The following PDE1C variants were observed in gnomAD, a reference collection of about 807,000 sequenced individuals.
The protein encoded by PDE1C is phosphodiesterase 1C.
Under a neutral mutation model 93.1 loss-of-function variants are expected in PDE1C, and 62 were observed. The observed-to-expected ratio is 0.67, with a 90% CI of 0.54 to 0.82. The LOEUF is 0.82. Among genes scored for constraint, PDE1C ranks in the 40% least tolerant of loss-of-function variants. PDE1C has a pLI of 0.00. For missense variants in PDE1C, 742 were observed against 884.6 expected (o/e 0.84, Z 2.04); for synonymous variants, 325 against 310.1 (o/e 1.05, Z -0.50).
chr7:32,118,434 C>T (rs1799109480), intron 3 of PDE1C, among the ~76,000 whole-genome samples: 2 of 152,188 alleles, frequency 1.3e-5, no homozygotes, highest in South Asian at 4.1e-4. Context: ...GCTAGTGAGG[C>T]TTAGAGCCGA....
intron 2 of PDE1C, among the ~76,000 whole-genome samples, chr7:31,938,052 A>G (rs1437765175): frequency 2.0e-5 from 3 of 152,240 alleles, no homozygotes; most frequent in East Asian, 3.9e-4. Context: ...AGATGAAGAG[A>G]AAGCCCTTGT....
the PDE1C span, among the ~76,000 whole-genome samples, chr7:31,637,107 G>A: frequency 1.3e-5 from 2 of 151,918 alleles, no homozygotes; most frequent in African/African-American, 2.4e-5. Flanking sequence ...TGGTGTATAT[G>A]TGCCACATTT....
chr7:32,089,134 G>A (rs1797305958), intron 3 of PDE1C, among the ~76,000 whole-genome samples: 1 of 152,170 alleles, frequency 6.6e-6, no homozygotes, highest in Admixed American at 6.5e-5. Flanking sequence ...ATATCGCAAA[G>A]TCTCTTCTTT....
the PDE1C span, chr7:31,642,712 G>T: frequency 6.2e-7 from 1 of 1,613,932 alleles, no homozygotes; most frequent in African/African-American, 1.3e-5. Context: ...CCAGAGTCCT[G>T]CTGAGAATGG....
intron 1 of PDE1C, among the ~76,000 whole-genome samples, chr7:32,276,977 G>T (rs770941724): frequency 2.6e-5 from 4 of 152,162 alleles, no homozygotes; most frequent in Non-Finnish European, 5.9e-5. Context: ...TGCAGCACAG[G>T]CACAGTGGCT....
At chr7:32,137,176 A>C (rs1015013989) in intron 3 of PDE1C, among the ~76,000 whole-genome samples, 3 of 152,206 alleles carry the variant, frequency 2.0e-5, no homozygotes, top group African/African-American at 7.2e-5. Flanking sequence ...CCCAACATGT[A>C]CTGTGAAGGG....
chr7:32,425,071 AAT>A (rs1163863876), intron 1 of PDE1C, among the ~76,000 whole-genome samples: 1 of 152,064 alleles, frequency 6.6e-6, no homozygotes, highest in East Asian at 1.9e-4. Flanking sequence ...AGCATCCAGC[AAT>A]ACTGTTTATG....
chr7:31,709,120 G>C, the PDE1C span, among the ~76,000 whole-genome samples: 1 of 152,196 alleles, frequency 6.6e-6, no homozygotes, highest in African/African-American at 2.4e-5. Flanking sequence ...CAGATTTGCT[G>C]TATGAACACA....
At chr7:32,046,896 TAA>T (rs1368595213) in intron 2 of PDE1C, among the ~76,000 whole-genome samples, 1 of 152,166 alleles carries the variant, frequency 6.6e-6, no homozygotes, top group African/African-American at 2.4e-5. Context: ...CTCCAACTCC[TAA>T]ACATTCTGAC....
At chr7:31,973,499 CTT>C (rs1297159251) in intron 2 of PDE1C, among the ~76,000 whole-genome samples, 5 of 152,044 alleles carry the variant, frequency 3.3e-5, no homozygotes, top group Admixed American at 6.6e-5. Context: ...ACTGAGAAAA[CTT>C]TGCATAACAA....
chr7:32,083,830 C>A (rs1254085494), intron 3 of PDE1C, among the ~76,000 whole-genome samples: 1 of 151,968 alleles, frequency 6.6e-6, no homozygotes, highest in South Asian at 2.1e-4. Flanking sequence ...CAGGCCTGCC[C>A]TAAAAGAGCT....
At chr7:32,206,901 T>A (rs1187891088) in intron 2 of PDE1C, among the ~76,000 whole-genome samples, 1 of 152,100 alleles carries the variant, frequency 6.6e-6, no homozygotes, top group Non-Finnish European at 1.5e-5. Flanking sequence ...CTGGACACTG[T>A]CATTCTCCCA....
chr7:32,397,868 A>T (rs537038513), intron 1 of PDE1C, among the ~76,000 whole-genome samples: 16 of 152,052 alleles, frequency 1.1e-4, no homozygotes, highest in African/African-American at 3.9e-4. Flanking sequence ...CAAAAAAAAA[A>T]AATTAGCCGG....
At chr7:31,748,283 CA>C (rs1342357465), downstream of PDE1C, among the ~76,000 whole-genome samples, 1 of 142,970 alleles carries the variant, frequency 7.0e-6, no homozygotes, top group Non-Finnish European at 1.5e-5. Flanking sequence ...TTGTGTCTTA[CA>C]AAAGTTTGGA....
At chr7:32,322,890 G>A (rs1181947712) in intron 1 of PDE1C, among the ~76,000 whole-genome samples, 1 of 152,054 alleles carries the variant, frequency 6.6e-6, no homozygotes, top group Non-Finnish European at 1.5e-5. Flanking sequence ...GGGATTACAG[G>A]CGTGAGCCAC....
At position 31,925,322 on chromosome 7, in the gene PDE1C, T is replaced by C. The variant is rs554921475; in HGVS notation, c.129-44462A>G. Among the ~76,000 whole-genome samples, 4 of 152,238 alleles carry C rather than the reference T, an allele frequency of 2.6e-5. No homozygotes were observed. In the South Asian group the frequency reaches 8.3e-4, roughly 32 times the overall value. On this transcript the variant is annotated intron_variant, in intron 2 of 17. Coordinates refer to ENST00000396191, the MANE Select transcript of PDE1C (RefSeq NM_001191057.4). ...TGCCCCTACCCATCAGTGGGGAGAA[T>C]AGTTAAATATTTAATTTGTTAAGTC...
At chr7:31,670,242 C>T in the PDE1C span, among the ~76,000 whole-genome samples, 875 of 152,250 alleles carry the variant, frequency 5.7e-3, 7 homozygotes, top group African/African-American at 0.019. Context: ...TGTGAAAATC[C>T]GAAACCTGAA....
At chr7:31,759,504 G>T (rs1346018581) in intron 17 of PDE1C, among the ~76,000 whole-genome samples, 2 of 152,074 alleles carry the variant, frequency 1.3e-5, no homozygotes, top group East Asian at 3.9e-4. Context: ...TTCCCCTTGG[G>T]GATACTTTAA....
At chr7:31,870,694 G>A (rs1795839528) in intron 6 of PDE1C, among the ~76,000 whole-genome samples, 1 of 151,920 alleles carries the variant, frequency 6.6e-6, no homozygotes, top group Non-Finnish European at 1.5e-5. Flanking sequence ...ACTAACATCA[G>A]TTCTCCTCAA....
Sources: gnomAD v4.1 joint callset for allele counts (sites outside exome capture counted in the v4.1 genomes callset) on GRCh38, gnomAD v4.1.1 for gene constraint, MANE v1.5 for transcripts, NCBI Gene and HGNC (gene_info 2026-07-23, HGNC 2026-07-21) for gene names.